Variants in NALF1 observed in about 807,000 individuals in gnomAD.
NALF1 encodes family with sequence similarity 155 member A.
Under a neutral mutation model 48.4 loss-of-function variants are expected in NALF1, and 3 were observed. The observed-to-expected ratio is 0.06, with a 90% confidence interval of 0.03 to 0.16. NALF1 has a LOEUF of 0.16. NALF1 is among the 10% of genes least tolerant of loss of function. The pLI is 1.00. For synonymous variants in NALF1, 262 were observed against 245.7 expected, an observed-to-expected ratio of 1.07 and a Z score of -0.62; for missense variants, 526 against 571.5, an observed-to-expected ratio of 0.92 and a Z score of 0.81.
intron 1 of NALF1, among the ~76,000 whole-genome samples, chr13:107,390,068 A>G (rs908312014): frequency 3.9e-5 from 6 of 152,146 alleles, no homozygotes; most frequent in African/African-American, 9.7e-5. Context: ...GTAGTAAAAT[A>G]TATTCACTAG....
At chr13:107,659,853 C>A (rs1880682071) in intron 1 of NALF1, among the ~76,000 whole-genome samples, 1 of 151,322 alleles carries the variant, frequency 6.6e-6, no homozygotes, top group Admixed American at 6.6e-5. Flanking sequence ...CTCTGTTGCC[C>A]AGGCTGGAGT....
chr13:107,348,088 T>A (rs997909430), intron 1 of NALF1, among the ~76,000 whole-genome samples: 1 of 152,246 alleles, frequency 6.6e-6, no homozygotes, highest in Non-Finnish European at 1.5e-5. Context: ...TTGTCCTTAG[T>A]TATCTAAAAG....
At chr13:107,823,225 G>T (rs73587795) in intron 1 of NALF1, among the ~76,000 whole-genome samples, 5,484 of 152,158 alleles carry the variant, frequency 0.036, 357 homozygotes, top group African/African-American at 0.13. Flanking sequence ...ACTTCTCTGC[G>T]GAGTTCTTCT....
intron 1 of NALF1, among the ~76,000 whole-genome samples, chr13:107,342,896 G>A (rs1157736643): frequency 1.3e-5 from 2 of 152,130 alleles, no homozygotes; most frequent in African/African-American, 4.8e-5. Context: ...GTTGACAGAA[G>A]TGAAGGGAGA....
At chr13:107,786,445 C>T (rs1427794529) in intron 1 of NALF1, among the ~76,000 whole-genome samples, 2 of 123,648 alleles carry the variant, frequency 1.6e-5, no homozygotes, top group Non-Finnish European at 1.7e-5. Flanking sequence ...AAAAAAAAGC[C>T]GGGCGCGGTG....
At chr13:107,270,463 T>C (rs1465539217) in intron 1 of NALF1, among the ~76,000 whole-genome samples, 1 of 152,142 alleles carries the variant, frequency 6.6e-6, no homozygotes, top group Non-Finnish European at 1.5e-5. Context: ...AAAAATTATG[T>C]ATTTAGCAGA....
chr13:107,817,873 C>T (rs540042584), intron 1 of NALF1, among the ~76,000 whole-genome samples: 26 of 152,192 alleles, frequency 1.7e-4, no homozygotes, highest in Admixed American at 2.6e-4. Context: ...ATCATAGTAG[C>T]GCAGCCCAAA....
intron 1 of NALF1, among the ~76,000 whole-genome samples, chr13:107,836,234 G>A (rs936120110): frequency 1.3e-5 from 2 of 152,152 alleles, no homozygotes; most frequent in East Asian, 3.9e-4. Flanking sequence ...CAAGCAATCT[G>A]CCCCCCTTGG....
intron 1 of NALF1, among the ~76,000 whole-genome samples, chr13:107,225,855 G>A (rs983762015): frequency 4.6e-5 from 7 of 151,862 alleles, no homozygotes; most frequent in Non-Finnish European, 7.4e-5. Flanking sequence ...GCGCACAGAC[G>A]CACTTTCCAT....
chr13:107,725,111 T>C (rs1876110619), intron 1 of NALF1, among the ~76,000 whole-genome samples: 1 of 152,228 alleles, frequency 6.6e-6, no homozygotes, highest in Admixed American at 6.5e-5. Flanking sequence ...TTTAAAACTT[T>C]TTAAATAAAC....
intron 1 of NALF1, among the ~76,000 whole-genome samples, chr13:107,400,044 C>A (rs893818853): frequency 2.0e-5 from 3 of 152,064 alleles, no homozygotes; most frequent in Non-Finnish European, 4.4e-5. Context: ...TTCTAATTGT[C>A]TTCCATGACA....
chr13:107,378,125 G>A (rs1883370774), intron 1 of NALF1, among the ~76,000 whole-genome samples: 1 of 152,128 alleles, frequency 6.6e-6, no homozygotes, highest in East Asian at 1.9e-4. Flanking sequence ...TGGGCTTGCT[G>A]TGAGCCCGAG....
At chr13:107,520,192 T>C (rs1351917031) in intron 1 of NALF1, among the ~76,000 whole-genome samples, 1 of 152,182 alleles carries the variant, frequency 6.6e-6, no homozygotes, top group Non-Finnish European at 1.5e-5. Flanking sequence ...TTGTTTTCTA[T>C]ATGTATAAGA....
chr13:107,844,252 T>TA (rs924575285), intron 1 of NALF1, among the ~76,000 whole-genome samples: 7 of 151,902 alleles, frequency 4.6e-5, no homozygotes, highest in Admixed American at 2.6e-4. Flanking sequence ...TAAGAAAATC[T>TA]AAAAAAATCA....
chr13:107,319,727 C>T (rs988412571), intron 1 of NALF1, among the ~76,000 whole-genome samples: 1 of 152,052 alleles, frequency 6.6e-6, no homozygotes, highest in Non-Finnish European at 1.5e-5. Flanking sequence ...CAAGTTCATG[C>T]AGTCAGTAAA....
At chr13:107,597,035 T>C (rs772848617) in intron 1 of NALF1, among the ~76,000 whole-genome samples, 8 of 152,188 alleles carry the variant, frequency 5.3e-5, no homozygotes, top group Non-Finnish European at 8.8e-5. Flanking sequence ...TTCAGTTTTC[T>C]ATTTGCTTGA....
chr13:107,470,350 T>G (rs1442475301), intron 1 of NALF1, among the ~76,000 whole-genome samples: 3 of 152,198 alleles, frequency 2.0e-5, no homozygotes, highest in Admixed American at 6.5e-5. Context: ...TCTTTTATCT[T>G]TCAGGCAGAA....
At chr13:107,644,607 C>A (rs1412832451) in intron 1 of NALF1, among the ~76,000 whole-genome samples, 1 of 125,860 alleles carries the variant, frequency 7.9e-6, no homozygotes, top group African/African-American at 2.9e-5. Flanking sequence ...TTAAAAAAGA[C>A]ATTTAGAGTG....
chr13:107,765,803 A>C (rs1339650830), intron 1 of NALF1, among the ~76,000 whole-genome samples: 2 of 152,198 alleles, frequency 1.3e-5, no homozygotes, highest in Non-Finnish European at 1.5e-5. Context: ...AAAGTAATAA[A>C]GGTTACCTAG....
Sources: allele counts gnomAD v4.1 joint callset (sites outside exome capture counted in the v4.1 genomes callset), GRCh38; gene constraint gnomAD v4.1.1; transcripts MANE v1.5; gene names NCBI Gene and HGNC (gene_info 2026-07-23, HGNC 2026-07-21).